Variants in NEURL1 observed in about 807,000 individuals in gnomAD.
NEURL1 encodes E3 ubiquitin-protein ligase NEURL1.
A neutral mutation model predicts 41.2 loss-of-function variants in NEURL1; 26 were observed. The ratio of observed to expected loss-of-function variants is 0.63; its 90% confidence interval spans 0.46 to 0.87. The LOEUF (loss-of-function observed/expected upper bound fraction) is 0.87, where lower values mean the gene tolerates loss of function less well. Among genes scored for constraint, NEURL1 ranks in the 40% least tolerant of loss-of-function variants. NEURL1 has a pLI of 0.00. For synonymous variants in NEURL1, 400 were observed against 402.3 expected (o/e 0.99, Z 0.07); for missense variants, 761 against 871.1 (o/e 0.87, Z 1.59).
chr10:103,523,478 G>GA (rs371758576), intron 1 of NEURL1, among the ~76,000 whole-genome samples: 8 of 151,036 alleles, frequency 5.3e-5, no homozygotes, highest in Non-Finnish European at 7.4e-5. Flanking sequence ...AAAAGAAAAA[G>GA]AAAAAAAAGT....
At chr10:103,586,023 G>A (rs1317657255) in intron 4 of NEURL1, among the ~76,000 whole-genome samples, 1 of 151,678 alleles carries the variant, frequency 6.6e-6, no homozygotes, top group Non-Finnish European at 1.5e-5. Flanking sequence ...GGGAATCCCT[G>A]AGCAGGCAGC....
At chr10:103,525,352 T>TTTCTTTCC (rs2034439037) in intron 1 of NEURL1, among the ~76,000 whole-genome samples, 1 of 149,930 alleles carries the variant, frequency 6.7e-6, no homozygotes, top group African/African-American at 2.5e-5. Flanking sequence ...TCTTTCTTTC[T>TTTCTTTCC]TTTTTCTTTT....
chr10:103,496,857 G>A (rs577156910), intron 1 of NEURL1, among the ~76,000 whole-genome samples: 89 of 152,250 alleles, frequency 5.8e-4, no homozygotes, highest in African/African-American at 2.1e-3. Flanking sequence ...CCTTGACTCT[G>A]TGGAAACCCA....
At chr10:103,537,637 G>A (rs1424650113) in intron 1 of NEURL1, among the ~76,000 whole-genome samples, 1 of 152,068 alleles carries the variant, frequency 6.6e-6, no homozygotes, top group Non-Finnish European at 1.5e-5. Flanking sequence ...CAAGCGATCC[G>A]CCCACCTCAG....
At chr10:103,498,400 G>C (rs1364550557) in intron 1 of NEURL1, among the ~76,000 whole-genome samples, 1 of 151,862 alleles carries the variant, frequency 6.6e-6, no homozygotes, top group Non-Finnish European at 1.5e-5. Context: ...CTAATTTTTT[G>C]TATTTTTAGT....
intron 1 of NEURL1, among the ~76,000 whole-genome samples, chr10:103,514,232 G>A (rs1554889320): frequency 6.6e-6 from 1 of 151,992 alleles, no homozygotes; most frequent in Non-Finnish European, 1.5e-5. Context: ...TGGGACTACA[G>A]CATGCGCCAC....
In NEURL1 at chr10:103,570,932, G is replaced by A. The variant is rs764822553; in HGVS notation, c.146G>A (p.Cys49Tyr). 3.1e-6 allele frequency: 5 copies of A among 1,613,888 alleles called. No homozygotes were observed. The East Asian group carries it at 8.9e-5, about 29-fold the overall frequency. The change falls in exon 2 of 6, where the codon TGT becomes TAT. Residue 49 changes from cysteine (C) to tyrosine (Y), a missense_variant. This residue lies in a region of NEURL1 where 94 missense variants were observed against 96.6 expected (regional missense o/e 0.97). Coordinates refer to ENST00000369780, the MANE Select transcript of NEURL1 (RefSeq NM_004210.5). ...CGATGCCACCACAAGCAGAAGCACT[G>A]TCCGGCAGTGCTGCCCAGCGGGGGG... Reference protein sequence around the residue: ...SHRCHHKQKHCPAVLPSGGLP... With the variant: ...SHRCHHKQKHYPAVLPSGGLP...
intron 1 of NEURL1, among the ~76,000 whole-genome samples, chr10:103,513,835 G>A (rs2034133433): frequency 6.6e-6 from 1 of 152,086 alleles, no homozygotes; most frequent in Non-Finnish European, 1.5e-5. Flanking sequence ...ATCCCCCAAG[G>A]CCTCTGGGGC....
chr10:103,532,637 C>T (rs910176325), intron 1 of NEURL1, among the ~76,000 whole-genome samples: 2 of 152,118 alleles, frequency 1.3e-5, no homozygotes, highest in South Asian at 4.1e-4. Context: ...TGCTCTTAGT[C>T]TAATAGATAT....
chr10:103,571,212 GC>G, intron 2 of NEURL1, 99 bp downstream of exon 2: 1 of 1,220,098 alleles, frequency 8.2e-7, no homozygotes, highest in Admixed American at 1.8e-5. Flanking sequence ...GCTGCCTGCT[GC>G]CACCCCCAGC....
chr10:103,495,830 G>C (rs2033669463), intron 1 of NEURL1, among the ~76,000 whole-genome samples: 1 of 152,220 alleles, frequency 6.6e-6, no homozygotes, highest in African/African-American at 2.4e-5. Context: ...TTTGTTGGCA[G>C]GGTGCGGTGG....
intron 1 of NEURL1, among the ~76,000 whole-genome samples, chr10:103,543,413 T>G (rs1046239385): frequency 1.3e-5 from 2 of 152,160 alleles, no homozygotes; most frequent in African/African-American, 4.8e-5. Flanking sequence ...TCTCACTGGG[T>G]CCACAGGGAC....
intron 4 of NEURL1, among the ~76,000 whole-genome samples, chr10:103,586,923 C>G (rs1195985222): frequency 6.6e-6 from 1 of 152,060 alleles, no homozygotes; most frequent in Non-Finnish European, 1.5e-5. Flanking sequence ...TGGTGGTGCA[C>G]GCCTGTAAGC....
chr10:103,503,787 G>GT lies in NEURL1; in HGVS notation c.85+9315_85+9316insT. Among the ~76,000 whole-genome samples the GT allele has an allele frequency of 4.3e-5, 3 of 69,092 alleles. 1 individual carries two copies. Among genetic ancestry groups the GT allele is most frequent in the Admixed American group, 3.7e-4 (2 of 5,370 alleles). 45.3% of individuals were successfully genotyped at this position (69,092 alleles called of 152,430 possible). On this transcript the variant is annotated intron_variant, in intron 1 of 5. Transcript: ENST00000369780. ...TAGAGCTCATGCTGTGCTCCCCCTG[G>GT]CTTTTTTTTTTTTTTTTTTTTGAGA... is the stretch of plus-strand genomic sequence containing the variant.
intron 1 of NEURL1, among the ~76,000 whole-genome samples, chr10:103,498,329 G>A (rs553738405): frequency 4.6e-5 from 7 of 152,166 alleles, no homozygotes; most frequent in South Asian, 2.1e-4. Flanking sequence ...CCGGGTTCAC[G>A]CCTTCTCCCG....
At chr10:103,519,876 C>CT (rs951353500) in intron 1 of NEURL1, among the ~76,000 whole-genome samples, 7 of 151,602 alleles carry the variant, frequency 4.6e-5, no homozygotes, top group Non-Finnish European at 7.4e-5. Context: ...CTTGACCCCC[C>CT]GGGGCTCAAG....
intron 1 of NEURL1, among the ~76,000 whole-genome samples, chr10:103,551,631 G>A (rs1456353736): frequency 6.6e-6 from 1 of 152,148 alleles, no homozygotes; most frequent in African/African-American, 2.4e-5. Flanking sequence ...GGATGCCCCA[G>A]TGAATAAAAC....
In NEURL1 at chr10:103,584,550, C is replaced by G. The variant is rs2035855612; in HGVS notation, c.664C>G (p.Leu222Val). 7.1e-7 allele frequency: 1 copy of G among 1,403,602 alleles called. No individual in the cohort carries two copies. Among genetic ancestry groups the G allele is most frequent in the Non-Finnish European group, 9.2e-7 (1 of 1,085,084 alleles). The allele number at this position is 1,403,602 out of a possible 1,614,324, so 86.9% of individuals were successfully genotyped here. A position where few individuals can be genotyped will look rare whatever the true frequency, so the allele number is the denominator to read the frequency against. ...GVQLLDSELV[L>V]PDCLRPRSFT... is the part of the protein sequence containing the mutation. The stretch of plus-strand genomic sequence containing the variant: ...CTCCCGCGCAGATAGCGAGCTGGTG[C>G]TCCCGGACTGTCTGCGGCCGCGCTC... The change falls in exon 4 of 6, where the codon CTC (leucine) becomes GTC (valine). Residue 222 changes from leucine to valine, a missense_variant. By Grantham distance (32) the Leu-to-Val change is conservative. Coordinates refer to ENST00000369780, the MANE Select transcript of NEURL1 (RefSeq NM_004210.5).
chr10:103,521,945 A>AGG (rs1463001112), intron 1 of NEURL1, among the ~76,000 whole-genome samples: 4 of 150,618 alleles, frequency 2.7e-5, no homozygotes, highest in South Asian at 4.2e-4. Flanking sequence ...CAGTGAAGAG[A>AGG]TAGGGTTGGG....
Sources: gnomAD v4.1 joint callset for allele counts (sites outside exome capture counted in the v4.1 genomes callset) on GRCh38, gnomAD v4.1.1 for gene constraint, gnomAD v4.1.1 regional missense constraint, MANE v1.5 for transcripts, NCBI Gene and HGNC (gene_info 2026-07-23, HGNC 2026-07-21) for gene names.